The following PSMA1 variants were observed in gnomAD, a reference collection of about 807,000 sequenced individuals.
The protein encoded by PSMA1 is proteasome 20S subunit alpha 1.
PSMA1 carries 3 observed loss-of-function variants against 38.4 expected under a neutral mutation model. The observed-to-expected ratio is 0.08, with a 90% CI of 0.04 to 0.20. PSMA1 has a LOEUF of 0.20. PSMA1 is among the 10% of genes least tolerant of loss of function. The pLI, the probability that PSMA1 is intolerant of heterozygous loss-of-function variation, is 1.00. For synonymous variants in PSMA1, 101 were observed against 107.1 expected, an observed-to-expected ratio of 0.94 and a Z score of 0.35; for missense variants, 227 against 325.3, an observed-to-expected ratio of 0.70 and a Z score of 2.32.
chr11:14,536,807 G>A (rs1011158094), intron 2 of PSMA1, among the ~76,000 whole-genome samples: 23 of 151,934 alleles, frequency 1.5e-4, no homozygotes, highest in African/African-American at 5.6e-4. Flanking sequence ...AGTAGAGATG[G>A]GGTTTCACTG....
chr11:14,555,667 T>C (rs1364221672), intron 2 of PSMA1, among the ~76,000 whole-genome samples: 1 of 152,174 alleles, frequency 6.6e-6, no homozygotes, highest in African/African-American at 2.4e-5. Flanking sequence ...TATCATCTCT[T>C]GATTTCCTAC....
chr11:14,599,825 G>A (rs1480650663), intron 2 of PSMA1, among the ~76,000 whole-genome samples: 1 of 152,302 alleles, frequency 6.6e-6, no homozygotes, highest in African/African-American at 2.4e-5. Context: ...AAGGCACTGT[G>A]AGTTTTAGAA....
chr11:14,531,239 C>A (rs924604134), intron 2 of PSMA1, among the ~76,000 whole-genome samples: 1 of 152,044 alleles, frequency 6.6e-6, no homozygotes, highest in Admixed American at 6.6e-5. Flanking sequence ...ATGATTTCAT[C>A]ATGCACATAG....
chr11:14,612,411 T>C (rs1852720457), intron 1 of PSMA1, among the ~76,000 whole-genome samples: 2 of 152,156 alleles, frequency 1.3e-5, no homozygotes, highest in Admixed American at 1.3e-4. Context: ...AGTATGATCA[T>C]ATATGTATTA....
chr11:14,580,120 C>T (rs926322701), intron 2 of PSMA1, among the ~76,000 whole-genome samples: 1 of 152,178 alleles, frequency 6.6e-6, no homozygotes, highest in Non-Finnish European at 1.5e-5. Flanking sequence ...CAAATGTAAT[C>T]ATGTCACTCT....
intron 2 of PSMA1, among the ~76,000 whole-genome samples, chr11:14,529,715 A>G (rs1851625365): frequency 1.3e-5 from 2 of 152,222 alleles, no homozygotes; most frequent in South Asian, 4.1e-4. Context: ...ATGAGAAAAT[A>G]CTGGTAATCT....
chr11:14,511,853 A>G (rs549335821), intron 7 of PSMA1, among the ~76,000 whole-genome samples: 147 of 152,362 alleles, frequency 9.6e-4, no homozygotes, highest in African/African-American at 3.4e-3. Flanking sequence ...CCCAGACAAC[A>G]TGATCTTAGG....
Position 14,507,514 on chromosome 11 carries a change from C to T in PSMA1, c.735+142G>A, listed in dbSNP as rs1249166959. 19 of 657,336 alleles carry T rather than the reference C, an allele frequency of 2.9e-5. 1 individual carries two copies. The Middle Eastern group carries it at 2.1e-3, about 73-fold the overall frequency. 40.7% of individuals were successfully genotyped at this position (657,336 alleles called of 1,614,324 possible). Reference sequence around the variant, plus strand: ...ACTGCCCTTTCAATATTTAACTTTACTCAGTTCTTAATTTTCCTGTTGCCA... The same window carrying T: ...ACTGCCCTTTCAATATTTAACTTTATTCAGTTCTTAATTTTCCTGTTGCCA... On this transcript the variant is annotated intron_variant, in intron 9 of 9. Coordinates refer to ENST00000396394, the MANE Select transcript of PSMA1 (RefSeq NM_002786.4).
intron 2 of PSMA1, among the ~76,000 whole-genome samples, chr11:14,567,519 C>CAGAAACTT (rs1852086295): frequency 6.6e-6 from 1 of 152,202 alleles, no homozygotes; most frequent in African/African-American, 2.4e-5. Context: ...CTAAGGCTCA[C>CAGAAACTT]AGAAACTTAG....
intron 2 of PSMA1, among the ~76,000 whole-genome samples, chr11:14,596,433 G>A (rs1565053976): frequency 6.6e-6 from 1 of 152,166 alleles, no homozygotes; most frequent in Non-Finnish European, 1.5e-5. Flanking sequence ...GCAGTGGTTT[G>A]TAGTTCTCCT....
At chr11:14,632,974 G>A (rs1173688683) in intron 1 of PSMA1, among the ~76,000 whole-genome samples, 4 of 143,172 alleles carry the variant, frequency 2.8e-5, no homozygotes, top group South Asian at 4.5e-4. Context: ...TCGAGCCTTG[G>A]TTTTCAGCTC....
At chr11:14,553,539 T>G (rs1026996306) in intron 2 of PSMA1, among the ~76,000 whole-genome samples, 13 of 152,208 alleles carry the variant, frequency 8.5e-5, no homozygotes, top group Non-Finnish European at 1.6e-4. Flanking sequence ...TTTATCATTT[T>G]AGGAATGTTA....
chr11:14,533,570 TTTTTC>T (rs1279938081), intron 2 of PSMA1, among the ~76,000 whole-genome samples: 4 of 136,412 alleles, frequency 2.9e-5, no homozygotes, highest in African/African-American at 5.5e-5. Flanking sequence ...GTTTTTTTCT[TTTTTC>T]TTTTCTTTTC....
upstream of PSMA1, among the ~76,000 whole-genome samples, chr11:14,523,266 C>T (rs368133382): frequency 6.6e-6 from 1 of 152,074 alleles, no homozygotes; most frequent in Non-Finnish European, 1.5e-5. Flanking sequence ...TTAAAAACAA[C>T]AACAACAACA....
intron 2 of PSMA1, among the ~76,000 whole-genome samples, chr11:14,609,994 T>C (rs1222804492): frequency 6.6e-6 from 1 of 151,994 alleles, no homozygotes; most frequent in Non-Finnish European, 1.5e-5. Flanking sequence ...AGGTGACAAA[T>C]GGTTGGGTTT....
intron 1 of PSMA1, among the ~76,000 whole-genome samples, chr11:14,641,374 C>A (rs896707785): frequency 6.6e-6 from 1 of 152,156 alleles, no homozygotes; most frequent in Non-Finnish European, 1.5e-5. Context: ...ATTAAATAAT[C>A]TGACCTCTAA....
intron 1 of PSMA1, among the ~76,000 whole-genome samples, chr11:14,612,072 A>G (rs1294865996): frequency 6.6e-6 from 1 of 152,140 alleles, no homozygotes; most frequent in Non-Finnish European, 1.5e-5. Flanking sequence ...CATGGTTTTG[A>G]CTCAAACTCT....
exon 2 of PSMA1, chr11:14,611,054 G>T: frequency 6.5e-7 from 1 of 1,542,736 alleles, no homozygotes; most frequent in Non-Finnish European, 9.0e-7. Flanking sequence ...ACTTGTCATT[G>T]TCTTTTCCCA....
chr11:14,559,752 T>C, intron 2 of PSMA1, among the ~76,000 whole-genome samples: 1 of 152,344 alleles, frequency 6.6e-6, no homozygotes, highest in Non-Finnish European at 1.5e-5. Flanking sequence ...CTTTAAGTGT[T>C]AGTGTCTTCT....
Sources: gnomAD v4.1 joint callset for allele counts (sites outside exome capture counted in the v4.1 genomes callset) on GRCh38, gnomAD v4.1.1 for gene constraint, MANE v1.5 for transcripts, NCBI Gene and HGNC (gene_info 2026-07-23, HGNC 2026-07-21) for gene names.